THAP5: variants seen among roughly 807,000 people sequenced by gnomAD.
The protein encoded by THAP5 is THAP domain-containing protein 5.
THAP5 carries 26 observed loss-of-function variants against 34.0 expected under a neutral mutation model. The ratio of observed to expected loss-of-function variants is 0.77; its 90% CI spans 0.56 to 1.06. The LOEUF (loss-of-function observed/expected upper bound fraction) is 1.06. Ranked by LOEUF, THAP5 falls within the 50% of genes least tolerant of loss-of-function variation. THAP5 has a pLI of 0.00. For synonymous variants in THAP5, 125 were observed against 153.0 expected (o/e 0.82, Z 1.35); for missense variants, 394 against 452.8 (o/e 0.87, Z 1.18).
downstream of THAP5, chr7:108,554,395 T>C (rs1392206013): frequency 1.3e-5 from 2 of 152,156 alleles, no homozygotes; most frequent in Non-Finnish European, 2.9e-5. Flanking sequence ...TTGAGAGTGA[T>C]GTGGGTAAGA....
In THAP5 at chr7:108,562,649, A is replaced by C. The variant is rs1219820582; in HGVS notation, c.*1542T>G. 1.3e-5 allele frequency: 2 copies of C among 152,232 alleles called. No individual in the cohort carries two copies. The highest frequency in any genetic ancestry group is 3.8e-4 in the East Asian group (2 of 5,208). 9.4% of individuals were successfully genotyped at this position (152,232 alleles called of 1,614,324 possible). A position where few individuals can be genotyped will look rare whatever the true frequency, so the allele number is the denominator to read the frequency against. On this transcript the variant is annotated 3_prime_UTR_variant, in exon 3 of 3. Transcript: ENST00000415914. ...GTACGTTCTACTTAACAGATGAAAAAACTAAGAATCAGACTGATACAACTT... is the reference window on the plus strand; with the variant it reads ...GTACGTTCTACTTAACAGATGAAAACACTAAGAATCAGACTGATACAACTT...
chr7:108,564,463 A>T lies in THAP5; in HGVS notation c.916T>A (p.Ser306Thr). ...TEMEDTDIEDSLYKDVDYGTE... is the reference protein window; with the variant it reads ...TEMEDTDIEDTLYKDVDYGTE... ...CCATAGTCTACATCCTTATACAAGG[A>T]GTCTTCAATGTCTGTGTCTTCCATT... Residue 306 changes from serine (S) to threonine (T), a missense_variant, in exon 3 of 3, where the codon TCC becomes ACC. Physicochemically the swap from Ser to Thr is moderately conservative, Grantham distance 58. Coordinates refer to ENST00000415914, the MANE Select transcript of THAP5 (RefSeq NM_001130475.3). 1 of 1,613,950 alleles carries T rather than the reference A, an allele frequency of 6.2e-7. No individual in the cohort carries two copies. The highest frequency in any genetic ancestry group is 8.5e-7 in the Non-Finnish European group (1 of 1,179,924).
At chr7:108,553,883 C>G (rs1864369373), downstream of THAP5, among the ~76,000 whole-genome samples, 1 of 152,160 alleles carries the variant, frequency 6.6e-6, no homozygotes, top group African/African-American at 2.4e-5. Context: ...TAGAAATACT[C>G]ATGTGATTGA....
intron 1 of THAP5, among the ~76,000 whole-genome samples, chr7:108,556,332 C>G (rs1864385619): frequency 2.0e-5 from 3 of 152,164 alleles, no homozygotes; most frequent in Non-Finnish European, 4.4e-5. Context: ...ACTCAAAAGT[C>G]CAAGTTCAAA....
chr7:108,543,146 C>T, the THAP5 span, among the ~76,000 whole-genome samples: 2 of 151,650 alleles, frequency 1.3e-5, no homozygotes, highest in Admixed American at 6.6e-5. Flanking sequence ...CCAGGATTGT[C>T]TCGATCTCCT....
In THAP5 at chr7:108,565,871, T is replaced by G. The variant is rs1481928903; in HGVS notation, c.232A>C (p.Thr78Pro). ...IRWGIRYLKQTAVPTIFSLPE... is the reference protein window; with the variant it reads ...IRWGIRYLKQPAVPTIFSLPE... ...AAAGAAAATATTGTTGGAACTGCAG[T>G]TTGTTTTAAATATCGAATACCCCAT... Residue 78 changes from threonine to proline, a missense_variant, in exon 2 of 3, where the codon ACT (threonine) becomes CCT (proline). Coordinates refer to ENST00000415914, the MANE Select transcript of THAP5 (RefSeq NM_001130475.3). 1 of 1,547,890 alleles carries G rather than the reference T, an allele frequency of 6.5e-7. No homozygotes were observed. Among genetic ancestry groups the G allele is most frequent in the Non-Finnish European group, 8.7e-7 (1 of 1,146,402 alleles).
Position 108,564,097 on chromosome 7 carries a change from G to A in THAP5, c.*94C>T. The A allele has an allele frequency of 9.8e-7, 1 of 1,018,150 alleles. No homozygotes were observed. Among genetic ancestry groups the A allele is most frequent in the Non-Finnish European group, 1.4e-6 (1 of 703,450 alleles). The allele number at this position is 1,018,150 out of a possible 1,614,324, so 63.1% of individuals were successfully genotyped here. A position where few individuals can be genotyped will look rare whatever the true frequency, so the allele number is the denominator to read the frequency against. ...AACACTCTCATAGGTTCATTAAGAT[G>A]AGAACTTTATACAGGAAACAGTTCA... On this transcript the variant is annotated 3_prime_UTR_variant, in exon 3 of 3. Coordinates refer to ENST00000415914, the MANE Select transcript of THAP5 (RefSeq NM_001130475.3).
chr7:108,567,817 T>A (rs1301019454), intron 1 of THAP5, among the ~76,000 whole-genome samples: 3 of 152,242 alleles, frequency 2.0e-5, no homozygotes, highest in Non-Finnish European at 4.4e-5. Flanking sequence ...GAAAATTTTT[T>A]AAAAACCCTA....
chr7:108,543,051 C>T, the THAP5 span, among the ~76,000 whole-genome samples: 9 of 151,882 alleles, frequency 5.9e-5, no homozygotes, highest in South Asian at 4.2e-4. Context: ...CTGAGCCTCC[C>T]GAGTAGGTGG....
chr7:108,547,932 TA>T, the THAP5 span, among the ~76,000 whole-genome samples: 1 of 152,230 alleles, frequency 6.6e-6, no homozygotes, highest in African/African-American at 2.4e-5. Flanking sequence ...ATCCCTTTCT[TA>T]ATCTTAATAG....
intron 1 of THAP5, among the ~76,000 whole-genome samples, chr7:108,568,735 G>GT (rs1485684344): frequency 1.3e-5 from 2 of 152,166 alleles, no homozygotes; most frequent in African/African-American, 4.8e-5. Flanking sequence ...ACATCTCCAT[G>GT]TTACAGATGA....
chr7:108,544,548 A>G, the THAP5 span, among the ~76,000 whole-genome samples: 1 of 151,912 alleles, frequency 6.6e-6, no homozygotes, highest in Admixed American at 6.6e-5. Flanking sequence ...AAACAAAAAC[A>G]AAAACAAAGA....
At chr7:108,565,742 T>C (rs770958276) in intron 2 of THAP5, 88 bp downstream of exon 2, 21 of 1,035,662 alleles carry the variant, frequency 2.0e-5, no homozygotes, top group Non-Finnish European at 2.8e-5. Context: ...ACCCAAGTTA[T>C]AGTTCCCTCT....
chr7:108,569,558 A>G lies in THAP5; in HGVS notation c.12T>C (p.Tyr4=), dbSNP rs567574027. The G allele has an allele frequency of 6.4e-7, 1 of 1,551,634 alleles. No individual in the cohort carries two copies. Among genetic ancestry groups the G allele is most frequent in the African/African-American group, 1.4e-5 (1 of 73,188 alleles). The change falls in exon 1 of 3, where the codon TAT becomes TAC. Residue 4 remains tyrosine, a synonymous_variant. Transcript: ENST00000415914. ...GGTTCTTACAACAAATCGCTGCGCA[A>G]TAGCGGGGCATGACTCGGGTGAGGC... MPR[Y]CAAICCKNRR...
Position 108,563,448 on chromosome 7 carries a change from G to C in THAP5, c.*743C>G, listed in dbSNP as rs746366243. 1 of 135,144 alleles carries C rather than the reference G, an allele frequency of 7.4e-6. No individual in the cohort carries two copies. The highest frequency in any genetic ancestry group is 1.5e-5 in the Non-Finnish European group (1 of 65,828). 8.4% of individuals were successfully genotyped at this position (135,144 alleles called of 1,614,324 possible). A position where few individuals can be genotyped will look rare whatever the true frequency, so the allele number is the denominator to read the frequency against. On this transcript the variant is annotated 3_prime_UTR_variant, in exon 3 of 3. Transcript: ENST00000415914. ...AGCTACTCGGGAAGCTGAGGCAGAA[G>C]AATCACTTGAACCCGGGAGGCAGAG...
At chr7:108,545,137 G>C in the THAP5 span, among the ~76,000 whole-genome samples, 97 of 152,220 alleles carry the variant, frequency 6.4e-4, no homozygotes, top group African/African-American at 2.3e-3. Context: ...TTTAAAAATA[G>C]ACACACTGCC....
In THAP5 at chr7:108,565,958, C is replaced by T. The variant is rs1206956608; in HGVS notation, c.145G>A (p.Val49Ile). 6.4e-7 allele frequency: 1 copy of T among 1,550,530 alleles called. No homozygotes were observed. Among genetic ancestry groups the T allele is most frequent in the South Asian group, 1.2e-5 (1 of 83,910 alleles). Residue 49 changes from valine (V) to isoleucine (I), a missense_variant, in exon 2 of 3, where the codon GTT becomes ATT. Transcript: ENST00000415914. ...CATAGAAACTGGTATTTACTGGGAA[C>T]CCATGAATCTCGCTTCATATTCTTT... The part of the protein sequence containing the change: ...WLKNMKRDSW[V>I]PSKYQFLCSD...
chr7:108,545,142 A>G, the THAP5 span, among the ~76,000 whole-genome samples: 10 of 152,220 alleles, frequency 6.6e-5, no homozygotes, highest in African/African-American at 2.4e-4. Flanking sequence ...AAATAGACAC[A>G]CTGCCAAGAA....
downstream of THAP5, among the ~76,000 whole-genome samples, chr7:108,552,070 G>T (rs1472881873): frequency 2.6e-5 from 4 of 152,152 alleles, no homozygotes; most frequent in African/African-American, 9.7e-5. Context: ...TGGGGTGGGG[G>T]TTGGAGCTCA....
Sources: gnomAD v4.1 joint callset for allele counts (sites outside exome capture counted in the v4.1 genomes callset) on GRCh38, gnomAD v4.1.1 for gene constraint, MANE v1.5 for transcripts, NCBI Gene and HGNC (gene_info 2026-07-23, HGNC 2026-07-21) for gene names.